USP45: variants seen among roughly 807,000 people sequenced by gnomAD.
USP45 encodes the protein ubiquitin specific peptidase 45, also known as ubiquitin carboxyl-terminal hydrolase 45.
Under a neutral mutation model 95.8 loss-of-function variants are expected in USP45, and 89 were observed. That is an observed-to-expected ratio of 0.93 (90% CI 0.78 to 1.11). The LOEUF (loss-of-function observed/expected upper bound fraction) is 1.11, where lower values mean the gene tolerates loss of function less well. USP45 is among the 50% of genes least tolerant of loss of function. The pLI is 0.00. For synonymous variants in USP45, 281 were observed against 316.2 expected (o/e 0.89, Z 1.18); for missense variants, 898 against 942.5 (o/e 0.95, Z 0.62).
chr6:99,451,194 C>T (rs912798046), intron 13 of USP45, among the ~76,000 whole-genome samples: 2 of 152,062 alleles, frequency 1.3e-5, no homozygotes, highest in Non-Finnish European at 2.9e-5. Context: ...GGCAATCAGG[C>T]AGGAGAAATA....
chr6:99,457,005 C>T (rs1339898499), intron 13 of USP45, among the ~76,000 whole-genome samples: 3 of 152,170 alleles, frequency 2.0e-5, no homozygotes, highest in Non-Finnish European at 4.4e-5. Flanking sequence ...CTCTTATGGT[C>T]GAGACTGCAG....
chr6:99,509,990 T>G, intron 2 of USP45, 131 bp downstream of exon 2: 1 of 685,028 alleles, frequency 1.5e-6, no homozygotes, highest in South Asian at 1.9e-5. Flanking sequence ...TAGTGTATTT[T>G]CCATCTAGGT....
At chr6:99,456,730 A>C (rs1785177115) in intron 13 of USP45, among the ~76,000 whole-genome samples, 2 of 152,194 alleles carry the variant, frequency 1.3e-5, no homozygotes, top group Non-Finnish European at 2.9e-5. Flanking sequence ...TTAACTGCAC[A>C]AATTGTACAG....
At position 99,446,211 on chromosome 6, in the gene USP45, T is replaced by C. The variant is rs1782523465; in HGVS notation, c.1561A>G (p.Arg521Gly). 1 of 1,614,072 alleles carries C rather than the reference T, an allele frequency of 6.2e-7. No individual in the cohort carries two copies. Among genetic ancestry groups the C allele is most frequent in the Admixed American group, 1.7e-5 (1 of 60,004 alleles). Residue 521 changes from arginine to glycine, a missense_variant, in exon 14 of 18, where the codon AGA (arginine) becomes GGA (glycine). Physicochemically the swap from Arg to Gly is moderately radical, Grantham distance 125. Coordinates refer to ENST00000500704, the MANE Select transcript of USP45 (RefSeq NM_001346022.3). ...ESASKQTGLF[R>G]SSSGSGVQPD... ...TGCACACCGGATCCACTACTGGATCTGAACAGCCCAGTCTGCTTTGAAGCA... is the reference window on the plus strand; with the variant it reads ...TGCACACCGGATCCACTACTGGATCCGAACAGCCCAGTCTGCTTTGAAGCA...
intron 16 of USP45, among the ~76,000 whole-genome samples, chr6:99,438,258 GAGTA>G (rs1780877159): frequency 2.0e-5 from 3 of 152,110 alleles, no homozygotes; most frequent in South Asian, 4.1e-4. Context: ...ATAATGTTAA[GAGTA>G]AGGCAGAAAA....
chr6:99,443,684 T>G (rs574306289), intron 14 of USP45, 22 bp from the exon 15 acceptor site: 2 of 1,437,476 alleles, frequency 1.4e-6, no homozygotes, highest in African/African-American at 2.9e-5. Context: ...ACAATAAATT[T>G]ATTTATAAAA....
At chr6:99,458,405 G>A (rs1295815745) in intron 13 of USP45, among the ~76,000 whole-genome samples, 1 of 152,136 alleles carries the variant, frequency 6.6e-6, no homozygotes, top group African/African-American at 2.4e-5. Flanking sequence ...ACTGAACTAG[G>A]CACCTGAGAC....
intron 5 of USP45, among the ~76,000 whole-genome samples, chr6:99,496,502 T>A (rs1193226287): frequency 2.0e-5 from 3 of 152,134 alleles, no homozygotes; most frequent in Non-Finnish European, 4.4e-5. Context: ...TTCAGCAGGA[T>A]ATAGTATTTT....
In USP45 at chr6:99,460,110, T is replaced by C. The variant is rs77096872; in HGVS notation, c.1308+4494A>G. On this transcript the variant is annotated intron_variant, in intron 13 of 17. Coordinates refer to ENST00000500704, the MANE Select transcript of USP45 (RefSeq NM_001346022.3). The stretch of plus-strand genomic sequence containing the variant: ...CATTTGTATTCACATTACCATATCT[T>C]GGTTTTATTTCTCCTTTTTTCCTTA... Among the ~76,000 whole-genome samples the C allele has an allele frequency of 5.8e-3, 877 of 152,342 alleles. 64 individuals carry two copies. The East Asian group carries it at 0.15, about 26-fold the overall frequency.
At chr6:99,515,342 TGCGGCGACCATACCGCC>T (rs1413125192) in intron 1 of USP45, 33 bp downstream of exon 1, 3 of 151,924 alleles carry the variant, frequency 2.0e-5, no homozygotes, top group Admixed American at 6.6e-5. Context: ...ACCGAGAAAC[TGCGGCGACCATACCGCC>T]GCTGCGACCA....
At chr6:99,483,556 C>T (rs1350630414) in intron 7 of USP45, among the ~76,000 whole-genome samples, 1 of 152,128 alleles carries the variant, frequency 6.6e-6, no homozygotes, top group Non-Finnish European at 1.5e-5. Flanking sequence ...TGTTATCTTC[C>T]GGCCGGGCGC....
intron 13 of USP45, among the ~76,000 whole-genome samples, chr6:99,463,445 G>A (rs1787026745): frequency 6.6e-6 from 1 of 152,098 alleles, no homozygotes; most frequent in Non-Finnish European, 1.5e-5. Context: ...AGGTGACAGA[G>A]GAATCTGTTA....
At chr6:99,453,575 T>C (rs1264282626) in intron 13 of USP45, among the ~76,000 whole-genome samples, 3 of 152,178 alleles carry the variant, frequency 2.0e-5, no homozygotes, top group Non-Finnish European at 4.4e-5. Context: ...AAAATGACTA[T>C]GCTACCCAAA....
intron 3 of USP45, among the ~76,000 whole-genome samples, chr6:99,508,198 AT>A (rs1174581176): frequency 2.5e-5 from 1 of 39,630 alleles, no homozygotes; most frequent in East Asian, 0.042. Context: ...TTTTAATTTC[AT>A]TAAAAAAATT....
chr6:99,434,847 G>A lies in USP45; in HGVS notation c.*869C>T, dbSNP rs1780216065. On this transcript the variant is annotated 3_prime_UTR_variant, in exon 18 of 18. Coordinates refer to ENST00000500704, the MANE Select transcript of USP45 (RefSeq NM_001346022.3). ...CAACTTCTAATTGCCAATTCTAAAT[G>A]TTATAATCATCTATATTGGGCCTTG... The A allele has an allele frequency of 6.6e-6, 1 of 152,164 alleles. No individual in the cohort carries two copies. The highest frequency in any genetic ancestry group is 2.4e-5 in the African/African-American group (1 of 41,446). 9.4% of individuals were successfully genotyped at this position (152,164 alleles called of 1,614,324 possible).
chr6:99,476,362 A>AC (rs1790870060), intron 8 of USP45, 132 bp from the exon 9 acceptor site: 1 of 838,308 alleles, frequency 1.2e-6, no homozygotes, highest in African/African-American at 1.7e-5. Context: ...TAATCCCAGC[A>AC]TTTGGGAGGC....
chr6:99,440,328 A>G (rs1181111855), intron 15 of USP45, among the ~76,000 whole-genome samples: 19 of 152,250 alleles, frequency 1.2e-4, no homozygotes, highest in Non-Finnish European at 2.2e-4. Flanking sequence ...CTGAACACTC[A>G]AAACATTTTA....
upstream of USP45, among the ~76,000 whole-genome samples, chr6:99,516,204 A>G (rs189254766): frequency 1.4e-3 from 210 of 152,174 alleles, 3 homozygotes; most frequent in East Asian, 5.2e-3. Context: ...TAGATAGTAC[A>G]TTTCTTGAAA....
intron 17 of USP45, among the ~76,000 whole-genome samples, chr6:99,436,911 C>T (rs1780588927): frequency 1.3e-5 from 2 of 152,066 alleles, no homozygotes; most frequent in African/African-American, 4.8e-5. Context: ...GCCAGCCTGG[C>T]CAACACGGCG....
Sources: allele counts gnomAD v4.1 joint callset (sites outside exome capture counted in the v4.1 genomes callset), GRCh38; gene constraint gnomAD v4.1.1; transcripts MANE v1.5; gene names NCBI Gene and HGNC (gene_info 2026-07-23, HGNC 2026-07-21).